Variants in MTMR3 observed in about 807,000 individuals in gnomAD.
The protein encoded by MTMR3 is myotubularin related protein 3, also known as phosphatidylinositol-3,5-bisphosphate 3-phosphatase MTMR3.
In MTMR3, 32 loss-of-function variants were observed where a neutral mutation model predicts 132.4. The ratio of observed to expected loss-of-function variants is 0.24; its 90% CI spans 0.18 to 0.32. MTMR3 has a LOEUF of 0.32. MTMR3 is among the 10% of genes least tolerant of loss of function. The pLI, the probability that MTMR3 is intolerant of heterozygous loss-of-function variation, is 1.00. For synonymous variants in MTMR3, 556 were observed against 550.3 expected, an observed-to-expected ratio of 1.01 and a Z score of -0.14; for missense variants, 1,216 against 1,489.6, an observed-to-expected ratio of 0.82 and a Z score of 3.02.
intron 1 of MTMR3, among the ~76,000 whole-genome samples, chr22:29,946,764 G>C (rs908199203): frequency 2.7e-5 from 4 of 150,236 alleles, no homozygotes; most frequent in African/African-American, 4.9e-5. Context: ...TTTTTTTCTA[G>C]TGGTATGTAA....
Position 30,020,410 on chromosome 22 carries a change from G to A in MTMR3, c.2751G>A (p.Leu917=). 1 of 1,614,192 alleles carries A rather than the reference G, an allele frequency of 6.2e-7. No individual in the cohort carries two copies. Among genetic ancestry groups the A allele is most frequent in the Non-Finnish European group, 8.5e-7 (1 of 1,180,040 alleles). ...GCCTGACACGTTCCCCTTGTGCCTT[G>A]CCTTTAGCCGAATGTAAAGAGGGGC... ...TLSLTRSPCA[L]PLAECKEGLV... The change falls in exon 17 of 20, where the codon TTG becomes TTA. Residue 917 remains leucine (L), a synonymous_variant. Coordinates refer to ENST00000401950, the MANE Select transcript of MTMR3 (RefSeq NM_021090.4).
intron 2 of MTMR3, among the ~76,000 whole-genome samples, chr22:29,961,395 G>C (rs1192232265): frequency 6.6e-6 from 1 of 152,098 alleles, no homozygotes; most frequent in Admixed American, 6.6e-5. Context: ...ACTGCCATAT[G>C]TATATACTGA....
At position 30,025,970 on chromosome 22, in the gene MTMR3, T is replaced by C; in HGVS notation, c.*169T>C. On this transcript the variant is annotated 3_prime_UTR_variant, in exon 20 of 20. Transcript: ENST00000401950. ...GGATTGTAGATTGATTTTTCTTTCC[T>C]GTCCCCCTACTCCCTCCCTACCTTT... is the stretch of plus-strand genomic sequence containing the variant. The C allele has an allele frequency of 1.6e-6, 1 of 620,018 alleles. No homozygotes were observed. The highest frequency in any genetic ancestry group is 2.3e-5 in the South Asian group (1 of 42,852). The allele number at this position is 620,018 out of a possible 1,614,324, so 38.4% of individuals were successfully genotyped here. A position where few individuals can be genotyped will look rare whatever the true frequency, so the allele number is the denominator to read the frequency against.
chr22:30,002,058 AAAG>A (rs1195543688), intron 8 of MTMR3: 1 of 152,356 alleles, frequency 6.6e-6, no homozygotes, highest in South Asian at 2.1e-4. Flanking sequence ...ACTATTGAAA[AAAG>A]AAGATTGGAT....
At chr22:29,976,596 A>C (rs1026797569) in intron 3 of MTMR3, among the ~76,000 whole-genome samples, 1 of 152,216 alleles carries the variant, frequency 6.6e-6, no homozygotes. Flanking sequence ...CATTCTTATG[A>C]AATTGGCACC....
At chr22:29,934,082 C>T (rs1353826360) in intron 1 of MTMR3, among the ~76,000 whole-genome samples, 1 of 152,114 alleles carries the variant, frequency 6.6e-6, no homozygotes, top group Non-Finnish European at 1.5e-5. Flanking sequence ...TAGCTGGGCA[C>T]GGTGGCTCAC....
intron 2 of MTMR3, among the ~76,000 whole-genome samples, chr22:29,965,961 AAATT>A (rs869111587): frequency 7.7e-5 from 6 of 78,328 alleles, no homozygotes; most frequent in African/African-American, 1.9e-4. Context: ...TTGACTCTTT[AAATT>A]AATTCTTCAA....
intron 16 of MTMR3, 118 bp downstream of exon 16, chr22:30,018,190 G>A: frequency 8.6e-7 from 1 of 1,163,462 alleles, no homozygotes; most frequent in Non-Finnish European, 1.1e-6. Flanking sequence ...ATCTTTCTTA[G>A]GTCTCTGCAG....
intron 1 of MTMR3, among the ~76,000 whole-genome samples, chr22:29,932,241 C>G (rs987878177): frequency 2.0e-5 from 3 of 152,146 alleles, no homozygotes. Context: ...TGTATAGACC[C>G]ATGTAACTAC....
rs2066567518 is a variant in MTMR3 at position 29,973,082 on chromosome 22, G to A, written c.3+2020G>A. The stretch of plus-strand genomic sequence containing the variant: ...GATTTTAATTATATACTGTATAATA[G>A]CATTTAGAGTGTATGTCCTTAATCC... On this transcript the variant is annotated intron_variant, in intron 3 of 19. Transcript: ENST00000401950. 4.6e-5 allele frequency among the ~76,000 whole-genome samples: 7 copies of A among 152,134 alleles called. No individual in the cohort carries two copies. The South Asian group carries it at 1.4e-3, about 31-fold the overall frequency.
intron 1 of MTMR3, chr22:29,899,827 C>G (rs1602428639): frequency 1.3e-5 from 2 of 152,264 alleles, no homozygotes; most frequent in East Asian, 3.9e-4. Context: ...TGATCTGGAT[C>G]TTGATTTCAT....
intron 1 of MTMR3, among the ~76,000 whole-genome samples, chr22:29,949,609 G>A (rs930472629): frequency 2.7e-5 from 4 of 148,758 alleles, no homozygotes; most frequent in Non-Finnish European, 4.4e-5. Flanking sequence ...GTTTTCTGTT[G>A]AGTACGTGAG....
chr22:29,888,612 C>T (rs777523163), intron 1 of MTMR3, among the ~76,000 whole-genome samples: 49 of 152,066 alleles, frequency 3.2e-4, no homozygotes, highest in Non-Finnish European at 5.1e-4. Flanking sequence ...GTACTCTTTT[C>T]CCTTAACATG....
At chr22:29,989,530 C>G (rs2066919951) in intron 6 of MTMR3, 2 of 152,094 alleles carry the variant, frequency 1.3e-5, no homozygotes, top group East Asian at 1.9e-4. Context: ...CCCGGCCAAT[C>G]TGGAACATTT....
intron 2 of MTMR3, among the ~76,000 whole-genome samples, chr22:29,967,193 TTG>T (rs10680622): frequency 0.12 from 17,372 of 141,866 alleles, 1,115 homozygotes; most frequent in Middle Eastern, 0.19. Context: ...TTCACCTCTG[TTG>T]TGTGTGTGTG....
intron 1 of MTMR3, among the ~76,000 whole-genome samples, chr22:29,885,892 T>C (rs1223661360): frequency 6.6e-6 from 1 of 152,210 alleles, no homozygotes; most frequent in African/African-American, 2.4e-5. Context: ...TGAAGGTTCT[T>C]ACAAGTTTGG....
intron 1 of MTMR3, among the ~76,000 whole-genome samples, chr22:29,910,386 CTGGTTTT>C (rs1344855430): frequency 1.3e-5 from 2 of 152,086 alleles, no homozygotes; most frequent in African/African-American, 4.8e-5. Flanking sequence ...TTGGGGGTTG[CTGGTTTT>C]TATTTAACAC....
chr22:29,989,811 G>T (rs902451086), intron 6 of MTMR3: 1 of 151,984 alleles, frequency 6.6e-6, no homozygotes, highest in Non-Finnish European at 1.5e-5. Flanking sequence ...TAATTTCTGC[G>T]TTTTCTCTCT....
chr22:29,959,368 C>T, intron 2 of MTMR3, among the ~76,000 whole-genome samples: 1 of 151,970 alleles, frequency 6.6e-6, no homozygotes, highest in East Asian at 1.9e-4. Flanking sequence ...AAATGTAATC[C>T]TTTTTATTTT....
Sources: allele counts gnomAD v4.1 joint callset (sites outside exome capture counted in the v4.1 genomes callset), GRCh38; gene constraint gnomAD v4.1.1; transcripts MANE v1.5; gene names NCBI Gene and HGNC (gene_info 2026-07-23, HGNC 2026-07-21).